LASP1: variants seen among roughly 807,000 people sequenced by gnomAD.
The protein encoded by LASP1 is LIM and SH3 domain protein 1.
A neutral mutation model predicts 38.6 loss-of-function variants in LASP1; 10 were observed. That is an observed-to-expected ratio of 0.26 (90% CI 0.16 to 0.44). The LOEUF (loss-of-function observed/expected upper bound fraction) is 0.44. Ranked by LOEUF, LASP1 falls within the 20% of genes least tolerant of loss-of-function variation. The probability of loss-of-function intolerance (pLI) is 1.00; values close to 1 mark genes in which losing one functional copy is unlikely to be tolerated. For synonymous variants in LASP1, 132 were observed against 140.8 expected, an observed-to-expected ratio of 0.94 and a Z score of 0.44; for missense variants, 243 against 375.7, an observed-to-expected ratio of 0.65 and a Z score of 2.92.
intron 1 of LASP1, among the ~76,000 whole-genome samples, chr17:38,872,129 G>C (rs1913627675): frequency 6.6e-6 from 1 of 152,190 alleles, no homozygotes; most frequent in African/African-American, 2.4e-5. Context: ...GCTCCCACCA[G>C]TTTTATGAAT....
intron 1 of LASP1, among the ~76,000 whole-genome samples, chr17:38,873,314 T>C (rs1241528546): frequency 1.3e-5 from 2 of 152,194 alleles, no homozygotes; most frequent in African/African-American, 4.8e-5. Context: ...CATCATCTTG[T>C]GACCATCCCT....
chr17:38,873,032 A>G (rs1247209149), intron 1 of LASP1, among the ~76,000 whole-genome samples: 1 of 152,198 alleles, frequency 6.6e-6, no homozygotes, highest in East Asian at 1.9e-4. Flanking sequence ...TTCAACAAAT[A>G]TTTATTGAGC....
At position 38,913,151 on chromosome 17, in the gene LASP1, C is replaced by T. The variant is rs773471471; in HGVS notation, c.358-1174C>T. Among the ~76,000 whole-genome samples the T allele has an allele frequency of 2.7e-4, 41 of 152,310 alleles. 1 individual carries two copies. The Middle Eastern group carries it at 0.02, about 76-fold the overall frequency. ...ACAACATGAGGCCCAACTCAAGACT[C>T]CTGGGTGGTGGTGGTCAAGGTGGGG... On this transcript the variant is annotated intron_variant, in intron 4 of 6. Transcript: ENST00000318008.
At chr17:38,912,392 GGTAGGGCCAGGGTGCCATAGGGTCAGA>G (rs1354641112) in intron 4 of LASP1, among the ~76,000 whole-genome samples, 49 of 152,008 alleles carry the variant, frequency 3.2e-4, no homozygotes, top group African/African-American at 3.6e-4. Flanking sequence ...ACAGGGTCAG[GGTAGGGCCAGGGTGCCATAGGGTCAGA>G]GTAGGGCCAG....
chr17:38,891,844 C>G (rs1049980204), intron 3 of LASP1, among the ~76,000 whole-genome samples: 2 of 152,174 alleles, frequency 1.3e-5, no homozygotes, highest in African/African-American at 4.8e-5. Flanking sequence ...CCTGTAATCC[C>G]TGTGCTCTGG....
chr17:38,875,587 C>G (rs1365450826), intron 1 of LASP1, among the ~76,000 whole-genome samples: 1 of 152,148 alleles, frequency 6.6e-6, no homozygotes, highest in Non-Finnish European at 1.5e-5. Flanking sequence ...AGTGGTTCTC[C>G]TAGCATTCTG....
intron 3 of LASP1, among the ~76,000 whole-genome samples, chr17:38,891,849 C>T (rs1914334489): frequency 6.6e-6 from 1 of 152,196 alleles, no homozygotes; most frequent in South Asian, 2.1e-4. Context: ...AATCCCTGTG[C>T]TCTGGGAGGC....
At chr17:38,907,262 G>A (rs958276032) in intron 4 of LASP1, among the ~76,000 whole-genome samples, 8 of 152,128 alleles carry the variant, frequency 5.3e-5, no homozygotes, top group Non-Finnish European at 1.0e-4. Context: ...GCTCTGTGCC[G>A]CCTGTCCTGA....
chr17:38,889,357 C>T (rs1200374933), intron 2 of LASP1, among the ~76,000 whole-genome samples: 1 of 152,152 alleles, frequency 6.6e-6, no homozygotes, highest in Non-Finnish European at 1.5e-5. Context: ...GTCTTGAACT[C>T]CTGACCTCGT....
intron 4 of LASP1, among the ~76,000 whole-genome samples, chr17:38,912,144 T>C (rs145250715): frequency 6.6e-6 from 1 of 152,218 alleles, no homozygotes; most frequent in African/African-American, 2.4e-5. Flanking sequence ...AAGAACTACA[T>C]ATATCAGGCC....
At chr17:38,908,313 A>G (rs1598118893) in intron 4 of LASP1, among the ~76,000 whole-genome samples, 1 of 152,300 alleles carries the variant, frequency 6.6e-6, no homozygotes, top group Non-Finnish European at 1.5e-5. Context: ...GACCTTTCCC[A>G]CCTCAGAACA....
At chr17:38,902,216 A>G (rs1283450504) in intron 4 of LASP1, among the ~76,000 whole-genome samples, 3 of 151,834 alleles carry the variant, frequency 2.0e-5, no homozygotes, top group African/African-American at 7.3e-5. Context: ...GTGCACCACC[A>G]TGCCCAGCTA....
At chr17:38,878,272 A>T (rs909105492) in intron 2 of LASP1, 92 bp downstream of exon 2, 4 of 806,708 alleles carry the variant, frequency 5.0e-6, no homozygotes, top group South Asian at 4.6e-5. Context: ...GCAAGGTGAC[A>T]TTGGCGAACA....
In LASP1 at chr17:38,919,483, TTCTTG is replaced by T. The variant is rs1915235740; in HGVS notation, c.*706_*710del. Reference sequence around the variant, plus strand: ...CCGAGGAAGCACAGCTTGGGTCAGGTTCTTGCCTTTCTTAATTTTAGGGACAGCTA... The same window carrying T: ...CCGAGGAAGCACAGCTTGGGTCAGGTCCTTTCTTAATTTTAGGGACAGCTA... On this transcript the variant is annotated 3_prime_UTR_variant, in exon 7 of 7. Transcript: ENST00000318008. 4 of 243,676 alleles carry T rather than the reference TTCTTG, an allele frequency of 1.6e-5. No homozygotes were observed. The highest frequency in any genetic ancestry group is 8.8e-5 in the African/African-American group (4 of 45,534). The allele number at this position is 243,676 out of a possible 1,614,324, so 15.1% of individuals were successfully genotyped here.
At position 38,920,770 on chromosome 17, in the gene LASP1, A is replaced by G. The variant is rs190728265; in HGVS notation, c.*1992A>G. 1 of 232,984 alleles carries G rather than the reference A, an allele frequency of 4.3e-6. No individual in the cohort carries two copies. The highest frequency in any genetic ancestry group is 8.5e-6 in the Non-Finnish European group (1 of 117,754). The allele number at this position is 232,984 out of a possible 1,614,324, so 14.4% of individuals were successfully genotyped here. Reference sequence around the variant, plus strand: ...TAGGTGGAGGCAAGTGGAATATCTTATATTGGGCGATTTGGGGGCTCGGGG... The same window carrying G: ...TAGGTGGAGGCAAGTGGAATATCTTGTATTGGGCGATTTGGGGGCTCGGGG... On this transcript the variant is annotated 3_prime_UTR_variant, in exon 7 of 7. Transcript: ENST00000318008.
chr17:38,879,728 C>T (rs1913887446), intron 2 of LASP1, among the ~76,000 whole-genome samples: 1 of 152,084 alleles, frequency 6.6e-6, no homozygotes, highest in Non-Finnish European at 1.5e-5. Context: ...CCTCCCGTTC[C>T]CTGGCTAAGA....
rs563739973 is a variant in LASP1, at chr17:38,914,243, C to T, written c.358-82C>T. 6 of 1,510,196 alleles carry T rather than the reference C, an allele frequency of 4.0e-6. No homozygotes were observed. The Admixed American group carries it at 1.2e-4, about 30-fold the overall frequency. The allele number at this position is 1,510,196 out of a possible 1,614,324, so 93.5% of individuals were successfully genotyped here. Reference sequence around the variant, plus strand: ...CCCAAAGCTCTTGGGTAGTCTCTCCCATCCTGGGATCTTGAGGGTCACGGG... The same window carrying T: ...CCCAAAGCTCTTGGGTAGTCTCTCCTATCCTGGGATCTTGAGGGTCACGGG... On this transcript the variant is annotated intron_variant, in intron 4 of 6. Transcript: ENST00000318008.
intron 1 of LASP1, among the ~76,000 whole-genome samples, chr17:38,871,284 G>A (rs1204042735): frequency 2.0e-5 from 3 of 152,016 alleles, no homozygotes; most frequent in Non-Finnish European, 2.9e-5. Context: ...TTCCCGTACA[G>A]TTTAGGGTAG....
chr17:38,876,354 T>C (rs988355894), intron 1 of LASP1, among the ~76,000 whole-genome samples: 16 of 150,496 alleles, frequency 1.1e-4, no homozygotes, highest in Non-Finnish European at 2.4e-4. Context: ...TATTTATTTA[T>C]TTATTTATTT....
Sources: allele counts gnomAD v4.1 joint callset (sites outside exome capture counted in the v4.1 genomes callset), GRCh38; gene constraint gnomAD v4.1.1; transcripts MANE v1.5; gene names NCBI Gene and HGNC (gene_info 2026-07-23, HGNC 2026-07-21).